Variants in FASTKD1 observed in about 807,000 individuals in gnomAD.
The protein encoded by FASTKD1 is FAST kinase domains 1, also known as FAST kinase domain-containing protein 1, mitochondrial.
A neutral mutation model predicts 90.9 loss-of-function variants in FASTKD1; 94 were observed. The observed-to-expected ratio is 1.03, with a 90% CI of 0.88 to 1.23. The LOEUF is 1.23. FASTKD1 is among the 50% of genes most tolerant of loss of function. FASTKD1 has a pLI of 0.00. For synonymous variants in FASTKD1, 319 were observed against 345.8 expected (o/e 0.92, Z 0.86); for missense variants, 945 against 993.5 (o/e 0.95, Z 0.66).
rs754903101 is a variant in FASTKD1, at chr2:169,555,112, T to C, written c.1214+12A>G. On this transcript the variant is annotated intron_variant, in intron 7 of 14. Transcript: ENST00000453153. ...AATGAAACACTAAACAAAATTTCTA[T>C]TTTAATCTTACCTAAGCAGTAATTC... is the stretch of plus-strand genomic sequence containing the variant. The C allele has an allele frequency of 6.2e-7, 1 of 1,601,696 alleles. No homozygotes were observed. The highest frequency in any genetic ancestry group is 8.5e-7 in the Non-Finnish European group (1 of 1,175,896).
At chr2:169,566,175 C>T (rs897766166) in intron 3 of FASTKD1, among the ~76,000 whole-genome samples, 8 of 152,248 alleles carry the variant, frequency 5.3e-5, no homozygotes, top group Middle Eastern at 3.4e-3. Flanking sequence ...CCACCTCAGC[C>T]TTCTGAGTAG....
intron 5 of FASTKD1, chr2:169,560,144 A>T (rs1176151745): frequency 3.8e-6 from 1 of 260,724 alleles, no homozygotes; most frequent in East Asian, 7.0e-5. Context: ...GTTTCCCCTC[A>T]TTTTTTTTCA....
At chr2:169,538,234 G>A in intron 10 of FASTKD1, 93 bp from the exon 11 acceptor site, 2 of 1,012,406 alleles carry the variant, frequency 2.0e-6, no homozygotes, top group South Asian at 3.2e-5. Flanking sequence ...ACTATTAGTA[G>A]ATGCTTTTAT....
At chr2:169,565,163 C>G (rs1392872998) in intron 3 of FASTKD1, among the ~76,000 whole-genome samples, 1 of 143,264 alleles carries the variant, frequency 7.0e-6, no homozygotes, top group Admixed American at 7.2e-5. Flanking sequence ...CATGTTGAGG[C>G]TGGTCTCGAA....
rs1378361684 is a variant in FASTKD1, at chr2:169,555,250, G to GT, written c.1087dup (p.Thr363AsnfsTer6). ...ATCCAAATGTTTATGCAGAACTGAA[G>GT]TAACTCTAAAAAGGATAGAGCATAT... On this transcript the variant is annotated frameshift_variant, in exon 7 of 15. Coordinates refer to ENST00000453153, the MANE Select transcript of FASTKD1 (RefSeq NM_024622.6). LOFTEE classifies it high-confidence loss of function. The GT allele has an allele frequency of 1.9e-6, 3 of 1,606,594 alleles. No individual in the cohort carries two copies. Among genetic ancestry groups the GT allele is most frequent in the Non-Finnish European group, 2.5e-6 (3 of 1,176,612 alleles).
chr2:169,566,162 G>A (rs1452937723), intron 3 of FASTKD1, among the ~76,000 whole-genome samples: 2 of 152,074 alleles, frequency 1.3e-5, no homozygotes, highest in Non-Finnish European at 2.9e-5. Flanking sequence ...ATCCTTTGCT[G>A]TGCCACCTCA....
In FASTKD1 at chr2:169,529,584, A is replaced by G. The variant is rs1388394836; in HGVS notation, c.*241T>C. 1.3e-5 allele frequency among the ~76,000 whole-genome samples: 2 copies of G among 152,226 alleles called. No individual in the cohort carries two copies. Among genetic ancestry groups the G allele is most frequent in the Non-Finnish European group, 2.9e-5 (2 of 68,036 alleles). On this transcript the variant is annotated 3_prime_UTR_variant, in exon 15 of 15. Transcript: ENST00000453153. ...CTTGAAAAGCCCCCAATGGCTTCTC[A>G]TCTCGCTCAGAGTAGCCAAGAGGTT... is the stretch of plus-strand genomic sequence containing the variant.
In FASTKD1 at chr2:169,572,005, C is replaced by G. The variant is rs1265287278; in HGVS notation, c.25G>C (p.Glu9Gln). Residue 9 changes from glutamate (E) to glutamine (Q), a missense_variant, in exon 2 of 15, where the codon GAG becomes CAG. Physicochemically the swap from Glu to Gln is conservative, Grantham distance 29. Transcript: ENST00000453153. ...CGAAGCATATTTGTAACCAATGACT[C>G]TAGGAAAACAGGTGTTTTTTTCATT... MKKTPVFL[E>Q]SLVTNMLRLR... The G allele has an allele frequency of 6.3e-7, 1 of 1,578,592 alleles. No individual in the cohort carries two copies. Among genetic ancestry groups the G allele is most frequent in the Admixed American group, 1.9e-5 (1 of 52,208 alleles).
intron 7 of FASTKD1, among the ~76,000 whole-genome samples, chr2:169,548,416 T>C (rs12620049): frequency 0.11 from 11,181 of 100,854 alleles, 563 homozygotes; most frequent in East Asian, 0.31. Context: ...AGGACAATAA[T>C]TGTTAAAAAA....
At chr2:169,571,457 G>A (rs887569204) in intron 2 of FASTKD1, among the ~76,000 whole-genome samples, 196 bp downstream of exon 2, 2 of 150,128 alleles carry the variant, frequency 1.3e-5, no homozygotes, top group South Asian at 2.1e-4. Flanking sequence ...CCATTGACTC[G>A]GAAGGCTGAG....
intron 7 of FASTKD1, among the ~76,000 whole-genome samples, chr2:169,552,277 T>TAG (rs1168506342): frequency 1.3e-5 from 2 of 152,206 alleles, no homozygotes; most frequent in Non-Finnish European, 2.9e-5. Flanking sequence ...CATACGTGCT[T>TAG]CAAGTCTTTT....
intron 7 of FASTKD1, among the ~76,000 whole-genome samples, chr2:169,552,443 T>C (rs960617131): frequency 7.2e-5 from 11 of 152,144 alleles, no homozygotes; most frequent in African/African-American, 1.9e-4. Flanking sequence ...AGCAGCACAA[T>C]TGACAACTGC....
At chr2:169,556,302 G>T (rs961012051) in intron 6 of FASTKD1, among the ~76,000 whole-genome samples, 1 of 151,804 alleles carries the variant, frequency 6.6e-6, no homozygotes, top group East Asian at 1.9e-4. Flanking sequence ...TGGGCATGGC[G>T]ACACGTGCCT....
At chr2:169,540,364 G>A (rs1482723314) in intron 9 of FASTKD1, among the ~76,000 whole-genome samples, 185 bp from the exon 10 acceptor site, 3 of 152,154 alleles carry the variant, frequency 2.0e-5, no homozygotes, top group African/African-American at 7.2e-5. Context: ...AGTAGGAAAA[G>A]GGGACAAGAG....
intron 12 of FASTKD1, among the ~76,000 whole-genome samples, chr2:169,533,976 G>GC (rs1421458921): frequency 6.6e-6 from 1 of 151,840 alleles, no homozygotes; most frequent in Admixed American, 6.6e-5. Context: ...TTTAAGACCA[G>GC]CCTGTGCAAC....
At chr2:169,565,219 G>GGGATTACA (rs1191030979) in intron 3 of FASTKD1, among the ~76,000 whole-genome samples, 9 of 140,186 alleles carry the variant, frequency 6.4e-5, no homozygotes, top group African/African-American at 2.4e-4. Context: ...CGAAAGTGCT[G>GGGATTACA]GGATTACAGG....
intron 5 of FASTKD1, 147 bp downstream of exon 5, chr2:169,560,239 GA>G (rs1683516629): frequency 1.9e-5 from 9 of 476,358 alleles, no homozygotes; most frequent in Admixed American, 4.2e-5. Flanking sequence ...ATCAGAAAAA[GA>G]ATCAAGGAGC....
At chr2:169,571,620 T>G (rs901796911) in intron 2 of FASTKD1, 33 bp downstream of exon 2, 29 of 1,276,958 alleles carry the variant, frequency 2.3e-5, no homozygotes, top group Non-Finnish European at 2.4e-5. Context: ...AACTATATAA[T>G]CATTCCATAA....
chr2:169,541,704 T>C (rs1175193418), intron 9 of FASTKD1, among the ~76,000 whole-genome samples: 4 of 152,174 alleles, frequency 2.6e-5, no homozygotes, highest in African/African-American at 7.2e-5. Context: ...AAATCCCTAA[T>C]GTAGAGCCTA....
Sources: allele counts gnomAD v4.1 joint callset (sites outside exome capture counted in the v4.1 genomes callset), GRCh38; gene constraint gnomAD v4.1.1; transcripts MANE v1.5; gene names NCBI Gene and HGNC (gene_info 2026-07-23, HGNC 2026-07-21).